DRC9: variants seen among roughly 807,000 people sequenced by gnomAD.
DRC9 encodes dynein regulatory complex subunit 9, also known as dynein regulatory complex protein 9.
chr3:197,943,775 T>C, the DRC9 span: 2 of 1,613,898 alleles, frequency 1.2e-6, no homozygotes, highest in Non-Finnish European at 1.7e-6. Flanking sequence ...AGTGGGTCTA[T>C]ACCACGCAGA....
the DRC9 span, among the ~76,000 whole-genome samples, chr3:197,934,392 C>T: frequency 3.9e-5 from 6 of 152,054 alleles, no homozygotes; most frequent in African/African-American, 1.4e-4. Context: ...ACCATGTTGA[C>T]CAGGCTGGTG....
the DRC9 span, among the ~76,000 whole-genome samples, chr3:197,946,813 CTTTCTTTTTTTCT>C: frequency 6.6e-6 from 1 of 152,038 alleles, no homozygotes; most frequent in East Asian, 1.9e-4. Flanking sequence ...AGCAGAATAC[CTTTCTTTTTTTCT>C]TTTCTTTTTT....
chr3:197,944,023 G>T, the DRC9 span: 1 of 1,614,082 alleles, frequency 6.2e-7, no homozygotes, highest in South Asian at 1.1e-5. Context: ...CAAACTTTTG[G>T]AGGAAGGTTT....
the DRC9 span, among the ~76,000 whole-genome samples, chr3:197,925,284 T>G: frequency 4.4e-5 from 1 of 22,760 alleles, no homozygotes; most frequent in African/African-American, 1.9e-4. Context: ...TGGGGGAGGG[T>G]GGGGGTGTAT....
At chr3:197,892,649 G>A in the DRC9 span, 1 of 1,608,310 alleles carries the variant, frequency 6.2e-7, no homozygotes, top group Admixed American at 1.7e-5. Context: ...GGTCTTGAAG[G>A]TGTGCTAAGT....
chr3:197,910,244 G>A, the DRC9 span, among the ~76,000 whole-genome samples: 1 of 152,094 alleles, frequency 6.6e-6, no homozygotes, highest in Non-Finnish European at 1.5e-5. Flanking sequence ...AGGCTGCAGT[G>A]AGCTATGGTG....
the DRC9 span, chr3:197,912,657 A>G: frequency 1.9e-6 from 3 of 1,601,972 alleles, no homozygotes; most frequent in Admixed American, 5.0e-5. Flanking sequence ...AAAGCATAGA[A>G]AAGCTGTGGG....
chr3:197,906,390 CAT>C, the DRC9 span: 1 of 151,540 alleles, frequency 6.6e-6, no homozygotes, highest in East Asian at 1.9e-4. Context: ...ACTTTATTAA[CAT>C]ATTAAAGGAG....
chr3:197,939,575 C>T, the DRC9 span, among the ~76,000 whole-genome samples: 3 of 152,250 alleles, frequency 2.0e-5, no homozygotes, highest in Non-Finnish European at 4.4e-5. Flanking sequence ...ACTACACATA[C>T]GGATTCTGAA....
At chr3:197,923,929 G>T in the DRC9 span, among the ~76,000 whole-genome samples, 1 of 152,104 alleles carries the variant, frequency 6.6e-6, no homozygotes, top group Non-Finnish European at 1.5e-5. Flanking sequence ...AGCCTGGCGT[G>T]GTGGCACGTG....
At chr3:197,944,371 G>A in the DRC9 span, among the ~76,000 whole-genome samples, 1 of 151,702 alleles carries the variant, frequency 6.6e-6, no homozygotes, top group South Asian at 2.1e-4. Flanking sequence ...CGATTCTCCT[G>A]CCTCACCCTC....
At chr3:197,944,479 C>T in the DRC9 span, among the ~76,000 whole-genome samples, 1 of 150,434 alleles carries the variant, frequency 6.6e-6, no homozygotes, top group Non-Finnish European at 1.5e-5. Flanking sequence ...GACAGAGTCT[C>T]ACTATGTTGC....
chr3:197,924,121 C>T, the DRC9 span, among the ~76,000 whole-genome samples: 6 of 151,770 alleles, frequency 4.0e-5, no homozygotes, highest in Admixed American at 6.6e-5. Context: ...TTTGGGAGGA[C>T]GAGATGGGCA....
At chr3:197,894,061 T>C in the DRC9 span, among the ~76,000 whole-genome samples, 1 of 152,220 alleles carries the variant, frequency 6.6e-6, no homozygotes. Flanking sequence ...TATGTGATAG[T>C]TTTTAATCAT....
At chr3:197,956,359 T>A in the DRC9 span, 6 of 155,950 alleles carry the variant, frequency 3.8e-5, no homozygotes, top group African/African-American at 1.4e-4. Context: ...TAGACTGGGA[T>A]GAGAAGCTCT....
the DRC9 span, chr3:197,954,457 C>T: frequency 7.2e-6 from 3 of 416,560 alleles, no homozygotes; most frequent in South Asian, 6.5e-5. Flanking sequence ...CCTCAGCCCC[C>T]CAAGTAGCTG....
the DRC9 span, chr3:197,913,581 A>G: frequency 1.9e-6 from 1 of 534,332 alleles, no homozygotes; most frequent in African/African-American, 1.9e-5. Context: ...CCCTCTCCCT[A>G]TAATTAGTCA....
At chr3:197,912,012 A>T in the DRC9 span, among the ~76,000 whole-genome samples, 4 of 151,902 alleles carry the variant, frequency 2.6e-5, no homozygotes, top group African/African-American at 4.8e-5. Flanking sequence ...GTCATAATTT[A>T]AAAATAATTA....
chr3:197,904,021 TACATATATATATACATAC>T, the DRC9 span, among the ~76,000 whole-genome samples: 3 of 89,682 alleles, frequency 3.3e-5, no homozygotes, highest in Non-Finnish European at 6.3e-5. Context: ...TATATATACA[TACATATATATATACATAC>T]ATATATATAC....
Sources: allele counts gnomAD v4.1 joint callset (sites outside exome capture counted in the v4.1 genomes callset), GRCh38; gene constraint gnomAD v4.1.1; transcripts MANE v1.5; gene names NCBI Gene and HGNC (gene_info 2026-07-23, HGNC 2026-07-21).